Variants in KCNH2 observed in about 807,000 individuals in gnomAD.
The protein encoded by KCNH2 is potassium voltage-gated channel subfamily H member 2.
A neutral mutation model predicts 95.9 loss-of-function variants in KCNH2; 35 were observed. The observed-to-expected ratio is 0.37, with a 90% CI of 0.28 to 0.48. The LOEUF is 0.48. KCNH2 is among the 20% of genes least tolerant of loss of function. The probability of loss-of-function intolerance (pLI) is 0.99; values close to 1 mark genes in which losing one functional copy is unlikely to be tolerated. For synonymous variants in KCNH2, 786 were observed against 754.7 expected (o/e 1.04, Z -0.68); for missense variants, 1,274 against 1,702.9 (o/e 0.75, Z 4.43).
chr7:150,952,405 T>A lies in KCNH2; in HGVS notation c.1557+20A>T. The stretch of plus-strand genomic sequence containing the variant: ...TGGCCTCTCCTCTCCCTACACCACC[T>A]GCCTCCTTGCTGACCCCACCTCCTC... On this transcript the variant is annotated intron_variant, in intron 6 of 14. Transcript: ENST00000262186. This position sits in a 1 kb window ranked among gnomAD's most constrained non-coding sequence, Gnocchi z 7.3. The A allele has an allele frequency of 6.2e-7, 1 of 1,612,170 alleles. No homozygotes were observed. The highest frequency in any genetic ancestry group is 8.5e-7 in the Non-Finnish European group (1 of 1,179,040).
chr7:150,974,615 C>CCCCCCCCCCCCCCCCCCCCCCCCCCCT, intron 2 of KCNH2, 96 bp downstream of exon 2: 1 of 853,040 alleles, frequency 1.2e-6, no homozygotes, highest in Non-Finnish European at 1.7e-6. Flanking sequence ...CCAGCCGCCC[C>CCCCCCCCCCCCCCCCCCCCCCCCCCCT]CACACCCCCA....
At chr7:150,950,889 G>A (rs1297949053) in intron 8 of KCNH2, 32 bp downstream of exon 8, 1 of 1,607,102 alleles carries the variant, frequency 6.2e-7, no homozygotes, top group Non-Finnish European at 8.5e-7. Context: ...TTCCCAGCCT[G>A]CCACCCACTG....
chr7:150,956,372 G>C (rs1801376961), intron 5 of KCNH2, among the ~76,000 whole-genome samples: 1 of 152,212 alleles, frequency 6.6e-6, no homozygotes, highest in African/African-American at 2.4e-5. Context: ...GAGGTAGCAG[G>C]GCAGCTCCCT....
At chr7:150,970,572 C>T (rs986749232) in intron 2 of KCNH2, among the ~76,000 whole-genome samples, 2 of 152,158 alleles carry the variant, frequency 1.3e-5, no homozygotes, top group African/African-American at 4.8e-5. Flanking sequence ...CAGGAATGAC[C>T]CCCGTGGAGC....
intron 2 of KCNH2, among the ~76,000 whole-genome samples, chr7:150,973,468 C>T (rs770464944): frequency 6.6e-6 from 1 of 152,216 alleles, no homozygotes; most frequent in Non-Finnish European, 1.5e-5. Context: ...AAGCATTTGG[C>T]CCAGTGTCTA....
chr7:150,959,532 C>A, intron 3 of KCNH2, 40 bp downstream of exon 3: 3 of 1,610,458 alleles, frequency 1.9e-6, no homozygotes, highest in Non-Finnish European at 2.5e-6. Flanking sequence ...AGAAATGAGA[C>A]CACGAACCCC....
chr7:150,950,694 A>G (rs1801114875), intron 8 of KCNH2, among the ~76,000 whole-genome samples: 1 of 151,950 alleles, frequency 6.6e-6, no homozygotes, highest in South Asian at 2.1e-4. Flanking sequence ...CAAGGATTTA[A>G]CCCCATCGCC....
intron 1 of KCNH2, among the ~76,000 whole-genome samples, chr7:150,976,324 G>T (rs1348226917): frequency 3.3e-5 from 5 of 152,114 alleles, no homozygotes; most frequent in Non-Finnish European, 7.3e-5. Context: ...CCCCCAGAAA[G>T]TTGCCTTTTG....
At position 150,947,768 on chromosome 7, in the gene KCNH2, G is replaced by A. The variant is rs1419849010; in HGVS notation, c.2803C>T (p.Pro935Ser). Reference protein sequence around the residue: ...GPWGESPSSGPSSPESSEDEG... With the variant: ...GPWGESPSSGSSSPESSEDEG... Reference sequence around the variant, plus strand: ...TCCTCACTGCTCTCAGGGCTGGAGGGGCCACTGGACGGGCTCTCCCCCCAC... The same window carrying A: ...TCCTCACTGCTCTCAGGGCTGGAGGAGCCACTGGACGGGCTCTCCCCCCAC... The change falls in exon 12 of 15, where the codon CCC (proline) becomes TCC (serine). Residue 935 changes from proline to serine, a missense_variant. Around this residue, in one of 7 missense-constraint regions of KCNH2, gnomAD observed 457 missense variants for 416.1 expected, o/e 1.10. Coordinates refer to ENST00000262186, the MANE Select transcript of KCNH2 (RefSeq NM_000238.4). The A allele has an allele frequency of 3.9e-6, 6 of 1,540,302 alleles. No homozygotes were observed. Among genetic ancestry groups the A allele is most frequent in the African/African-American group, 1.4e-5 (1 of 73,150 alleles).
chr7:150,957,725 G>A (rs1563168815), intron 4 of KCNH2, among the ~76,000 whole-genome samples: 1 of 152,200 alleles, frequency 6.6e-6, no homozygotes, highest in Non-Finnish European at 1.5e-5. Context: ...AAGAGGAAAC[G>A]GTCTGCTCCA....
At position 150,962,627 on chromosome 7, in the gene KCNH2, CAGAG is replaced by C. The variant is rs41307331; in HGVS notation, c.308-2895_308-2892del. Among the ~76,000 whole-genome samples the C allele has an allele frequency of 2.3e-3, 331 of 146,330 alleles. 2 individuals are homozygous for C. Among genetic ancestry groups the C allele is most frequent in the African/African-American group, 6.9e-3 (273 of 39,330 alleles). On this transcript the variant is annotated intron_variant, in intron 2 of 14. Coordinates refer to ENST00000262186, the MANE Select transcript of KCNH2 (RefSeq NM_000238.4). The surrounding 1 kb of genome is among the most constrained non-coding windows in gnomAD (Gnocchi z 5.7). The stretch of plus-strand genomic sequence containing the variant: ...CACACTTACACACACACACGAGAGA[CAGAG>C]AGAGAGAGAGAGAGAGAGAGAGGAG...
At chr7:150,972,992 G>A (rs1443847315) in intron 2 of KCNH2, among the ~76,000 whole-genome samples, 4 of 152,288 alleles carry the variant, frequency 2.6e-5, no homozygotes, top group South Asian at 2.1e-4. Flanking sequence ...GACTGGCACC[G>A]TGTTTACAGA....
Position 150,962,349 on chromosome 7 carries a change from A to AC in KCNH2, c.308-2614_308-2613insG, listed in dbSNP as rs1198746284. On this transcript the variant is annotated intron_variant, in intron 2 of 14. Coordinates refer to ENST00000262186, the MANE Select transcript of KCNH2 (RefSeq NM_000238.4). This position sits in a 1 kb window ranked among gnomAD's most constrained non-coding sequence, Gnocchi z 5.7. ...TCCTCCACCAGGGAGCTTGCCTCAG[A>AC]GAAGTCTAGAGTCTGGAGCCAAGAT... 6.6e-6 allele frequency among the ~76,000 whole-genome samples: 1 copy of AC among 152,176 alleles called. No individual in the cohort carries two copies. The highest frequency in any genetic ancestry group is 2.4e-5 in the African/African-American group (1 of 41,434).
Position 150,952,308 on chromosome 7 carries a change from C to G in KCNH2, c.1557+117G>C. ...TGTCTCTCTCCCACTGTCTTTCTCT[C>G]TTTCTCTCTCTCTCTCTTTTTCTCT... On this transcript the variant is annotated intron_variant, in intron 6 of 14. Coordinates refer to ENST00000262186, the MANE Select transcript of KCNH2 (RefSeq NM_000238.4). This position sits in a 1 kb window ranked among gnomAD's most constrained non-coding sequence, Gnocchi z 7.3. The G allele has an allele frequency of 8.7e-7, 1 of 1,149,200 alleles. No homozygotes were observed. Among genetic ancestry groups the G allele is most frequent in the Non-Finnish European group, 1.3e-6 (1 of 793,446 alleles). 71.2% of individuals were successfully genotyped at this position (1,149,200 alleles called of 1,614,324 possible).
In KCNH2 at chr7:150,961,049, ATCTCCCAC is replaced by A. The variant is rs569485218; in HGVS notation, c.308-1321_308-1314del. Among the ~76,000 whole-genome samples, 156 of 152,126 alleles carry A rather than the reference ATCTCCCAC, an allele frequency of 1.0e-3. 1 individual carries two copies. Among genetic ancestry groups the A allele is most frequent in the African/African-American group, 3.2e-3 (131 of 41,492 alleles). On this transcript the variant is annotated intron_variant, in intron 2 of 14. Coordinates refer to ENST00000262186, the MANE Select transcript of KCNH2 (RefSeq NM_000238.4). The surrounding 1 kb of genome is among the most constrained non-coding windows in gnomAD (Gnocchi z 6.2). ...CAGGGACCCACCAGGCAGGCTCCTC[ATCTCCCAC>A]TCTCCCTAGGGAGCCTCTTCCTTCC...
chr7:150,947,230 G>C (rs1642199757), intron 13 of KCNH2, 98 bp downstream of exon 13: 13 of 1,184,820 alleles, frequency 1.1e-5, no homozygotes, highest in Admixed American at 2.3e-5. Context: ...TCCAGCTGCT[G>C]CACACACAGA....
In KCNH2 at chr7:150,958,250, CG is replaced by C; in HGVS notation, c.724del (p.Arg242AlafsTer118). 7.1e-7 allele frequency: 1 copy of C among 1,412,704 alleles called. No homozygotes were observed. Among genetic ancestry groups the C allele is most frequent in the Non-Finnish European group, 9.2e-7 (1 of 1,086,634 alleles). The allele number at this position is 1,412,704 out of a possible 1,614,324, so 87.5% of individuals were successfully genotyped here. ...CGATGGGAGCTGGCCGGGCGCGCTGCGGGGCGGAGAGCCGGGACCCACCAGC... is the reference window on the plus strand; with the variant it reads ...CGATGGGAGCTGGCCGGGCGCGCTGCGGGCGGAGAGCCGGGACCCACCAGC... ...RALVGPGSPPRSAPGQLPSPR... is the reference protein window; with the variant it reads ...RALVGPGSPPXSAPGQLPSPR... On this transcript the variant is annotated frameshift_variant, in exon 4 of 15. Transcript: ENST00000262186. LOFTEE classifies it high-confidence loss of function.
At chr7:150,947,552 C>T (rs755866896) in intron 12 of KCNH2, 38 bp from the exon 13 acceptor site, 24 of 1,602,310 alleles carry the variant, frequency 1.5e-5, no homozygotes, top group South Asian at 6.7e-5. Context: ...GCGGGGTAGA[C>T]GCACCACCGC....
At chr7:150,975,743 C>T (rs1801966566) in intron 1 of KCNH2, among the ~76,000 whole-genome samples, 1 of 152,226 alleles carries the variant, frequency 6.6e-6, no homozygotes, top group African/African-American at 2.4e-5. Context: ...CTTGGTCTGG[C>T]AGAGGCAGAA....
Sources: allele counts gnomAD v4.1 joint callset (sites outside exome capture counted in the v4.1 genomes callset), GRCh38; gene constraint gnomAD v4.1.1; regional missense constraint gnomAD v4.1.1; non-coding constraint Gnocchi (gnomAD v3.1); transcripts MANE v1.5; gene names NCBI Gene and HGNC (gene_info 2026-07-23, HGNC 2026-07-21).